Variants in ZNF282 observed in about 807,000 individuals in gnomAD.
The protein encoded by ZNF282 is zinc finger protein 282.
ZNF282 carries 30 observed loss-of-function variants against 61.9 expected under a neutral mutation model. That is an observed-to-expected ratio of 0.48 (90% CI 0.36 to 0.66). ZNF282 has a LOEUF of 0.66. ZNF282 is among the 30% of genes least tolerant of loss of function. ZNF282 has a pLI of 0.00. For synonymous variants in ZNF282, 396 were observed against 405.0 expected (o/e 0.98, Z 0.27); for missense variants, 788 against 941.4 (o/e 0.84, Z 2.13).
At chr7:149,221,306 G>A (rs763280217) in intron 7 of ZNF282, among the ~76,000 whole-genome samples, 22 of 152,202 alleles carry the variant, frequency 1.4e-4, no homozygotes, top group South Asian at 2.1e-4. Context: ...GGCAATCACC[G>A]TGCCCTTGCA....
chr7:149,195,953 A>C (rs1795809272), intron 1 of ZNF282, among the ~76,000 whole-genome samples, 199 bp downstream of exon 1: 1 of 149,430 alleles, frequency 6.7e-6, no homozygotes, highest in African/African-American at 2.4e-5. Context: ...CAGGCCCGGA[A>C]GGGCAGGCCT....
intron 2 of ZNF282, among the ~76,000 whole-genome samples, chr7:149,203,281 C>T (rs1006991128): frequency 6.6e-6 from 1 of 152,304 alleles, no homozygotes; most frequent in East Asian, 1.9e-4. Context: ...AGGGCTCTTA[C>T]AGAATAATGA....
At chr7:149,221,815 A>C (rs570881236) in intron 7 of ZNF282, among the ~76,000 whole-genome samples, 69 of 152,168 alleles carry the variant, frequency 4.5e-4, no homozygotes, top group Non-Finnish European at 7.2e-4. Flanking sequence ...GTCAAACACC[A>C]ACGAATATAG....
intron 1 of ZNF282, 65 bp downstream of exon 1, chr7:149,195,819 G>GGACCGGGCCGCGC: frequency 7.8e-7 from 1 of 1,285,536 alleles, no homozygotes; most frequent in Non-Finnish European, 9.8e-7. Context: ...CTGGGCCGCG[G>GGACCGGGCCGCGC]GACCGGGCCG....
intron 7 of ZNF282, among the ~76,000 whole-genome samples, chr7:149,215,977 T>G (rs935802901): frequency 6.6e-6 from 1 of 152,206 alleles, no homozygotes; most frequent in African/African-American, 2.4e-5. Context: ...CTTGGGGACT[T>G]GTGCTGTGTG....
chr7:149,195,844 AGCCTTGC>A, intron 1 of ZNF282, 90 bp downstream of exon 1: 5 of 1,152,620 alleles, frequency 4.3e-6, no homozygotes, highest in Non-Finnish European at 5.4e-6. Context: ...GTCCTCCGGT[AGCCTTGC>A]GGCGCCCTCC....
rs747248751 is a variant in ZNF282 at position 149,212,343 on chromosome 7, T to C, written c.953-15T>C. 52 of 1,592,626 alleles carry C rather than the reference T, an allele frequency of 3.3e-5. No individual in the cohort carries two copies. The highest frequency in any genetic ancestry group is 4.4e-5 in the Non-Finnish European group (51 of 1,169,994). The stretch of plus-strand genomic sequence containing the variant: ...CATCTTCTAACACCTTTGCCGCTCT[T>C]GTTCCCGCAAGTAGACTCCCCAATT... On this transcript the variant is annotated splice_polypyrimidine_tract_variant and intron_variant, in intron 5 of 7. Transcript: ENST00000610704.
intron 7 of ZNF282, among the ~76,000 whole-genome samples, chr7:149,219,083 G>A (rs1796199715): frequency 6.6e-6 from 1 of 152,198 alleles, no homozygotes; most frequent in South Asian, 2.1e-4. Context: ...TTAGCCACGA[G>A]GTTCAGCTCA....
At chr7:149,196,943 C>T (rs965174075) in intron 1 of ZNF282, among the ~76,000 whole-genome samples, 2 of 152,182 alleles carry the variant, frequency 1.3e-5, no homozygotes, top group Non-Finnish European at 2.9e-5. Context: ...AAGCAGCAGG[C>T]CTCCCCTTTT....
rs746304673 is a variant in ZNF282, at chr7:149,224,599, G to C, written c.1968G>C (p.Pro656=). ...KDHLRVHSGG[P]GPGAPRQLPP... is the part of the protein sequence containing the mutation. ...ACCTGCGCGTGCACAGCGGCGGCCC[G>C]GGCCCCGGCGCCCCACGGCAGCTCC... is the stretch of plus-strand genomic sequence containing the variant. Residue 656 remains proline, a synonymous_variant, in exon 8 of 8, where the codon CCG becomes CCC. Coordinates refer to ENST00000610704, the MANE Select transcript of ZNF282 (RefSeq NM_003575.4). 6.4e-6 allele frequency: 10 copies of C among 1,562,306 alleles called. No homozygotes were observed. Among genetic ancestry groups the C allele is most frequent in the Non-Finnish European group, 8.6e-7 (1 of 1,158,890 alleles).
chr7:149,214,401 A>G (rs1479122130), intron 7 of ZNF282, among the ~76,000 whole-genome samples: 3 of 152,150 alleles, frequency 2.0e-5, no homozygotes, highest in East Asian at 3.8e-4. Context: ...TAGGACTTCA[A>G]CATATTTGGT....
Position 149,198,881 on chromosome 7 carries a change from T to G in ZNF282, c.585+129T>G. On this transcript the variant is annotated intron_variant, in intron 2 of 7. Transcript: ENST00000610704. The surrounding 1 kb of genome is among the most constrained non-coding windows in gnomAD (Gnocchi z 4.3). ...CCCGTTATCCAATTTCAGTGTCTTCTTAAAGCCTGTCTCCACTGAAACAAC... is the reference window on the plus strand; with the variant it reads ...CCCGTTATCCAATTTCAGTGTCTTCGTAAAGCCTGTCTCCACTGAAACAAC... The G allele has an allele frequency of 7.7e-7, 1 of 1,301,418 alleles. No individual in the cohort carries two copies. Among genetic ancestry groups the G allele is most frequent in the Non-Finnish European group, 1.0e-6 (1 of 968,928 alleles). 80.6% of individuals were successfully genotyped at this position (1,301,418 alleles called of 1,614,324 possible).
chr7:149,216,693 G>C (rs1563179920), intron 7 of ZNF282, among the ~76,000 whole-genome samples: 1 of 152,204 alleles, frequency 6.6e-6, no homozygotes, highest in Non-Finnish European at 1.5e-5. Flanking sequence ...CTTCTGGAAA[G>C]GGGATGGAGG....
chr7:149,218,119 A>AG (rs573104884), intron 7 of ZNF282, among the ~76,000 whole-genome samples: 2,025 of 149,848 alleles, frequency 0.014, 17 homozygotes, highest in Non-Finnish European at 0.021. Flanking sequence ...AAAAAAAAAA[A>AG]AGAGAGAGAG....
intron 5 of ZNF282, among the ~76,000 whole-genome samples, chr7:149,211,421 T>C (rs1000275525): frequency 2.6e-5 from 4 of 152,150 alleles, no homozygotes; most frequent in African/African-American, 9.7e-5. Flanking sequence ...TCCCTTTTCC[T>C]TGGGGGAGGC....
At position 149,224,220 on chromosome 7, in the gene ZNF282, G is replaced by C; in HGVS notation, c.1589G>C (p.Arg530Pro). The change falls in exon 8 of 8, where the codon CGC becomes CCC. Residue 530 changes from arginine to proline, a missense_variant. Arg to Pro is a moderately radical substitution (Grantham distance 103, BLOSUM62 -2). Coordinates refer to ENST00000610704, the MANE Select transcript of ZNF282 (RefSeq NM_003575.4). ...CPECGKSFGV[R>P]KSLIIHHRSH... ...GAGTGCGGCAAGAGCTTCGGCGTGC[G>C]CAAGAGCCTCATCATCCACCACCGC... 2 of 1,607,570 alleles carry C rather than the reference G, an allele frequency of 1.2e-6. No individual in the cohort carries two copies. Among genetic ancestry groups the C allele is most frequent in the Non-Finnish European group, 1.7e-6 (2 of 1,179,056 alleles).
At chr7:149,219,387 G>A (rs1796203844) in intron 7 of ZNF282, among the ~76,000 whole-genome samples, 1 of 152,198 alleles carries the variant, frequency 6.6e-6, no homozygotes, top group Admixed American at 6.5e-5. Flanking sequence ...TCTTAGCTCT[G>A]AGCATGGCAG....
intron 2 of ZNF282, among the ~76,000 whole-genome samples, chr7:149,200,425 T>C (rs1271773138): frequency 1.3e-5 from 2 of 152,186 alleles, no homozygotes; most frequent in African/African-American, 4.8e-5. Context: ...CTCTCTCTGC[T>C]GAGTCTTTTC....
chr7:149,214,854 A>G (rs1186514481), intron 7 of ZNF282, among the ~76,000 whole-genome samples: 1 of 152,110 alleles, frequency 6.6e-6, no homozygotes, highest in Non-Finnish European at 1.5e-5. Context: ...AGAAAAAACA[A>G]AAAACACTAG....
Sources: allele counts gnomAD v4.1 joint callset (sites outside exome capture counted in the v4.1 genomes callset), GRCh38; gene constraint gnomAD v4.1.1; non-coding constraint Gnocchi (gnomAD v3.1); transcripts MANE v1.5; gene names NCBI Gene and HGNC (gene_info 2026-07-23, HGNC 2026-07-21).